CAMK2B: variants seen among roughly 807,000 people sequenced by gnomAD.
CAMK2B encodes the protein calcium/calmodulin dependent protein kinase II beta.
A neutral mutation model predicts 93.7 loss-of-function variants in CAMK2B; 27 were observed. That is an observed-to-expected ratio of 0.29 (90% CI 0.21 to 0.40). The LOEUF (loss-of-function observed/expected upper bound fraction) is 0.40, where lower values mean the gene tolerates loss of function less well. CAMK2B is among the 10% of genes least tolerant of loss of function. The pLI is 1.00. For missense variants in CAMK2B, 568 were observed against 895.8 expected, an observed-to-expected ratio of 0.63 and a Z score of 4.67; for synonymous variants, 374 against 358.8, an observed-to-expected ratio of 1.04 and a Z score of -0.48.
At chr7:44,235,716 G>A (rs1267631373) in intron 13 of CAMK2B, among the ~76,000 whole-genome samples, 2 of 152,230 alleles carry the variant, frequency 1.3e-5, no homozygotes, top group Non-Finnish European at 2.9e-5. Flanking sequence ...GGTACAGCAG[G>A]GTTAGAGAGG....
chr7:44,262,866 G>A (rs758610053), intron 3 of CAMK2B, 139 bp downstream of exon 3: 84 of 698,966 alleles, frequency 1.2e-4, no homozygotes, highest in Admixed American at 3.6e-4. Flanking sequence ...GTCCTCAGGG[G>A]CTTCTGGTGG....
chr7:44,321,814 C>T (rs908894147), intron 1 of CAMK2B, among the ~76,000 whole-genome samples: 2 of 152,202 alleles, frequency 1.3e-5, no homozygotes, highest in Admixed American at 6.5e-5. Flanking sequence ...AACAAACGGT[C>T]GACACTGACA....
At chr7:44,290,881 T>TA (rs1304527536) in intron 1 of CAMK2B, among the ~76,000 whole-genome samples, 1 of 152,216 alleles carries the variant, frequency 6.6e-6, no homozygotes, top group Non-Finnish European at 1.5e-5. Flanking sequence ...TGTATTATTG[T>TA]TACGTTTACA....
chr7:44,252,691 T>TAA (rs2096791619), intron 5 of CAMK2B, among the ~76,000 whole-genome samples: 1 of 152,000 alleles, frequency 6.6e-6, no homozygotes, highest in Non-Finnish European at 1.5e-5. Context: ...CATCCCAGGA[T>TAA]CCCACCTGCC....
At chr7:44,298,586 A>T (rs532664370) in intron 1 of CAMK2B, among the ~76,000 whole-genome samples, 2 of 152,362 alleles carry the variant, frequency 1.3e-5, no homozygotes, top group African/African-American at 4.8e-5. Context: ...CTATCAAGAG[A>T]ATGAAAAGAC....
chr7:44,285,960 G>A (rs1312777292), intron 1 of CAMK2B, among the ~76,000 whole-genome samples: 2 of 151,996 alleles, frequency 1.3e-5, no homozygotes, highest in Non-Finnish European at 2.9e-5. Flanking sequence ...ATGTGCATCA[G>A]TTACGTTCTC....
At position 44,230,544 on chromosome 7, in the gene CAMK2B, A is replaced by G. The variant is rs866897995; in HGVS notation, c.1225+462T>C. Among the ~76,000 whole-genome samples the G allele has an allele frequency of 2.0e-5, 3 of 152,340 alleles. No individual in the cohort carries two copies. The South Asian group carries it at 6.2e-4, about 32-fold the overall frequency. Reference sequence around the variant, plus strand: ...GAGGGGGCCCTGGAATCTGTGGTGCAGAAACCCACCGCAGCAGGACACTCC... The same window carrying G: ...GAGGGGGCCCTGGAATCTGTGGTGCGGAAACCCACCGCAGCAGGACACTCC... On this transcript the variant is annotated intron_variant, in intron 17 of 23. Coordinates refer to ENST00000395749, the MANE Select transcript of CAMK2B (RefSeq NM_001220.5).
At chr7:44,325,322 TC>T (rs1423297966) in intron 1 of CAMK2B, 34 bp downstream of exon 1, 5 of 1,185,266 alleles carry the variant, frequency 4.2e-6, no homozygotes, top group South Asian at 1.8e-5. Context: ...CCCTCTGGGG[TC>T]CCCGGCCCAG....
At chr7:44,307,016 A>AGGAGGGTGTGAGCAG (rs1791920552) in intron 1 of CAMK2B, among the ~76,000 whole-genome samples, 2 of 23,580 alleles carry the variant, frequency 8.5e-5, no homozygotes, top group African/African-American at 3.3e-4. Context: ...GTGAGCAGGA[A>AGGAGGGTGTGAGCAG]GAAGAGGGTG....
At chr7:44,318,622 C>G (rs183870187) in intron 1 of CAMK2B, among the ~76,000 whole-genome samples, 2 of 152,394 alleles carry the variant, frequency 1.3e-5, no homozygotes, top group Admixed American at 6.5e-5. Context: ...ACCTGCAGTA[C>G]TTCATTGTAA....
chr7:44,236,052 G>A (rs540796809), intron 13 of CAMK2B, among the ~76,000 whole-genome samples: 3 of 152,024 alleles, frequency 2.0e-5, no homozygotes, highest in African/African-American at 7.2e-5. Context: ...GGCCCACCCC[G>A]CCCTCCTGAG....
intron 1 of CAMK2B, among the ~76,000 whole-genome samples, chr7:44,300,496 C>A (rs537020184): frequency 1.9e-4 from 28 of 149,968 alleles, no homozygotes; most frequent in Admixed American, 6.6e-4. Context: ...AAAAAAAAAA[C>A]AAAACAGATT....
rs748144714 is a variant in CAMK2B, at chr7:44,284,240, G to T, written c.66-15C>A. ...AGAAAGCCCCCCTGGGGAGGAAAAT[G>T]GGGGAGCGAGAGACAGAGACAGAGA... On this transcript the variant is annotated splice_polypyrimidine_tract_variant and intron_variant, in intron 1 of 23. Coordinates refer to ENST00000395749, the MANE Select transcript of CAMK2B (RefSeq NM_001220.5). 2 of 1,570,726 alleles carry T rather than the reference G, an allele frequency of 1.3e-6. No homozygotes were observed. Among genetic ancestry groups the T allele is most frequent in the Non-Finnish European group, 1.8e-6 (2 of 1,142,690 alleles).
intron 1 of CAMK2B, among the ~76,000 whole-genome samples, chr7:44,295,078 C>T (rs901552851): frequency 1.3e-5 from 2 of 152,176 alleles, no homozygotes; most frequent in African/African-American, 2.4e-5. Flanking sequence ...TATAACTTAG[C>T]GCTGGTCTGC....
intron 6 of CAMK2B, among the ~76,000 whole-genome samples, chr7:44,246,740 ACACT>A (rs558039638): frequency 1.6e-4 from 25 of 152,332 alleles, no homozygotes; most frequent in South Asian, 4.1e-4. Context: ...ATGTGCACAC[ACACT>A]CACACAATGC....
intron 13 of CAMK2B, among the ~76,000 whole-genome samples, chr7:44,235,571 T>G (rs754939106): frequency 2.7e-5 from 4 of 147,974 alleles, no homozygotes; most frequent in African/African-American, 7.5e-5. Context: ...GGGGAGGGAG[T>G]GAGGAAGGAA....
chr7:44,280,449 G>C (rs1242353801), intron 2 of CAMK2B, among the ~76,000 whole-genome samples: 1 of 152,210 alleles, frequency 6.6e-6, no homozygotes, highest in Non-Finnish European at 1.5e-5. Context: ...GGTGGACAAG[G>C]CTTTGGAGGC....
At chr7:44,249,814 C>T (rs1018433476) in intron 5 of CAMK2B, among the ~76,000 whole-genome samples, 7 of 152,156 alleles carry the variant, frequency 4.6e-5, no homozygotes, top group East Asian at 1.9e-4. Context: ...GCTCTGGCCA[C>T]GCCCTGTATC....
At chr7:44,272,598 G>A (rs1331105265) in intron 2 of CAMK2B, among the ~76,000 whole-genome samples, 1 of 152,222 alleles carries the variant, frequency 6.6e-6, no homozygotes, top group African/African-American at 2.4e-5. Flanking sequence ...GGCTCCCAGG[G>A]ACCCTGGCAA....
Sources: allele counts gnomAD v4.1 joint callset (sites outside exome capture counted in the v4.1 genomes callset), GRCh38; gene constraint gnomAD v4.1.1; transcripts MANE v1.5; gene names NCBI Gene and HGNC (gene_info 2026-07-23, HGNC 2026-07-21).